Variants in PPP2R2B observed in about 807,000 individuals in gnomAD.
PPP2R2B encodes the protein protein phosphatase 2 regulatory subunit Bbeta.
In PPP2R2B, 5 loss-of-function variants were observed where a neutral mutation model predicts 46.0. The ratio of observed to expected loss-of-function variants is 0.11; its 90% CI spans 0.06 to 0.23. The LOEUF is 0.23. Among genes scored for constraint, PPP2R2B ranks in the 10% least tolerant of loss-of-function variants. The pLI is 1.00. For missense variants in PPP2R2B, 367 were observed against 575.0 expected (o/e 0.64, Z 3.70); for synonymous variants, 215 against 206.7 (o/e 1.04, Z -0.34).
chr5:146,656,961 A>T (rs770877112), intron 5 of PPP2R2B, among the ~76,000 whole-genome samples: 34 of 152,148 alleles, frequency 2.2e-4, no homozygotes, highest in Non-Finnish European at 4.1e-4. Flanking sequence ...ATACCAGATC[A>T]TCTTTAACTT....
chr5:146,631,163 G>A (rs2151070234), intron 7 of PPP2R2B, among the ~76,000 whole-genome samples: 1 of 152,174 alleles, frequency 6.6e-6, no homozygotes, highest in East Asian at 1.9e-4. Context: ...TATGACAGGG[G>A]CTGCTGGGGT....
At chr5:146,745,861 G>A (rs1250726792) in intron 2 of PPP2R2B, among the ~76,000 whole-genome samples, 2 of 152,080 alleles carry the variant, frequency 1.3e-5, no homozygotes, top group African/African-American at 4.8e-5. Flanking sequence ...GGGAGGCTGA[G>A]GCAGGAGAAT....
intron 1 of PPP2R2B, among the ~76,000 whole-genome samples, chr5:146,926,953 A>G (rs1254738938): frequency 6.6e-6 from 1 of 152,064 alleles, no homozygotes; most frequent in Admixed American, 6.5e-5. Flanking sequence ...TCTATTGACA[A>G]CTTTGCTTGG....
chr5:147,011,079 G>T (rs78840917), intron 1 of PPP2R2B, among the ~76,000 whole-genome samples: 2 of 152,054 alleles, frequency 1.3e-5, no homozygotes, highest in African/African-American at 2.4e-5. Flanking sequence ...ATGCCTTTCC[G>T]ACTACTGCCC....
At chr5:146,910,601 A>G (rs7700730) in intron 1 of PPP2R2B, among the ~76,000 whole-genome samples, 3,909 of 152,286 alleles carry the variant, frequency 0.026, 151 homozygotes, top group African/African-American at 0.071. Context: ...GTGGTGTAGT[A>G]AGGATAAAAT....
intron 2 of PPP2R2B, among the ~76,000 whole-genome samples, chr5:146,808,829 C>G (rs930236582): frequency 7.9e-5 from 12 of 152,286 alleles, no homozygotes; most frequent in African/African-American, 2.6e-4. Flanking sequence ...GTCAATTCTA[C>G]TTTCATGTTG....
At chr5:146,955,227 T>G (rs932570021) in intron 1 of PPP2R2B, among the ~76,000 whole-genome samples, 5 of 152,182 alleles carry the variant, frequency 3.3e-5, no homozygotes, top group Admixed American at 2.6e-4. Context: ...AGATGATTCT[T>G]ATGCATCCAG....
At chr5:146,803,123 C>T (rs145024420) in intron 2 of PPP2R2B, among the ~76,000 whole-genome samples, 38 of 152,310 alleles carry the variant, frequency 2.5e-4, no homozygotes, top group African/African-American at 8.4e-4. Context: ...TTCCATAGAG[C>T]GCATGCCTAA....
At chr5:146,723,983 C>T (rs1183609703) in intron 2 of PPP2R2B, among the ~76,000 whole-genome samples, 1 of 152,080 alleles carries the variant, frequency 6.6e-6, no homozygotes, top group East Asian at 1.9e-4. Context: ...CTGTAAGTTC[C>T]TTGAAGGCAG....
At chr5:147,025,152 C>A (rs527472360) in intron 1 of PPP2R2B, among the ~76,000 whole-genome samples, 2 of 152,004 alleles carry the variant, frequency 1.3e-5, no homozygotes, top group South Asian at 4.2e-4. Context: ...TATTATCAAC[C>A]ATTTTATGCT....
intron 1 of PPP2R2B, among the ~76,000 whole-genome samples, chr5:146,888,622 G>A (rs1041760693): frequency 2.6e-5 from 4 of 152,066 alleles, no homozygotes; most frequent in Non-Finnish European, 5.9e-5. Context: ...TACACATTCA[G>A]ACTAAAACTT....
intron 2 of PPP2R2B, among the ~76,000 whole-genome samples, chr5:147,063,162 T>C (rs1757317996): frequency 6.6e-6 from 1 of 151,446 alleles, no homozygotes; most frequent in Non-Finnish European, 1.5e-5. Flanking sequence ...CCAAAAGAGA[T>C]GCATAGTAGA....
chr5:146,877,137 GA>G (rs5871994), intron 2 of PPP2R2B, among the ~76,000 whole-genome samples: 35,470 of 151,868 alleles, frequency 0.23, 5,138 homozygotes, highest in African/African-American at 0.39. Context: ...GGCACTGGGG[GA>G]AAAAAATGCC....
intron 1 of PPP2R2B, among the ~76,000 whole-genome samples, chr5:147,046,069 T>A (rs1019391360): frequency 6.6e-6 from 1 of 152,182 alleles, no homozygotes; most frequent in African/African-American, 2.4e-5. Context: ...CTTAGATTAA[T>A]TTATTTGCCT....
intron 1 of PPP2R2B, among the ~76,000 whole-genome samples, chr5:146,960,486 C>T (rs1752123717): frequency 6.6e-6 from 1 of 152,164 alleles, no homozygotes. Flanking sequence ...GAGCGGGTTT[C>T]ACCATGTTGG....
chr5:146,693,750 G>A (rs930656463), intron 4 of PPP2R2B, among the ~76,000 whole-genome samples: 2 of 152,210 alleles, frequency 1.3e-5, no homozygotes, highest in Admixed American at 1.3e-4. Context: ...ACAGCATGGA[G>A]AATGTTTAAC....
chr5:146,932,925 G>C (rs1195082832), intron 1 of PPP2R2B, among the ~76,000 whole-genome samples: 1 of 152,192 alleles, frequency 6.6e-6, no homozygotes, highest in East Asian at 1.9e-4. Context: ...ATCTAGCAGA[G>C]ATATTACAGC....
At chr5:146,713,960 T>C (rs1780344141) in intron 2 of PPP2R2B, among the ~76,000 whole-genome samples, 1 of 152,102 alleles carries the variant, frequency 6.6e-6, no homozygotes. Context: ...TTGGGAGTTA[T>C]TAGCATTCAG....
intron 2 of PPP2R2B, among the ~76,000 whole-genome samples, chr5:146,822,535 G>GTTTTTTTTT (rs368081191): frequency 1.2e-4 from 15 of 125,294 alleles, no homozygotes; most frequent in South Asian, 2.4e-4. Context: ...TTCATTTTTG[G>GTTTTTTTTT]TTTTTTTTTT....
Sources: gnomAD v4.1 joint callset for allele counts (sites outside exome capture counted in the v4.1 genomes callset) on GRCh38, gnomAD v4.1.1 for gene constraint, MANE v1.5 for transcripts, NCBI Gene and HGNC (gene_info 2026-07-23, HGNC 2026-07-21) for gene names.